The following LPP variants were observed in gnomAD, a reference collection of about 807,000 sequenced individuals.
The protein encoded by LPP is LIM domain containing preferred translocation partner in lipoma, also known as lipoma-preferred partner.
Under a neutral mutation model 60.4 loss-of-function variants are expected in LPP, and 38 were observed. That is an observed-to-expected ratio of 0.63 (90% confidence interval 0.49 to 0.83). The LOEUF (loss-of-function observed/expected upper bound fraction) is 0.83, where lower values mean the gene tolerates loss of function less well. Among genes scored for constraint, LPP ranks in the 40% least tolerant of loss-of-function variants. The pLI is 0.00. For missense variants in LPP, 902 were observed against 783.6 expected (o/e 1.15, Z -1.80); for synonymous variants, 328 against 290.8 (o/e 1.13, Z -1.30).
intron 7 of LPP, among the ~76,000 whole-genome samples, chr3:188,697,050 A>T (rs2149533477): frequency 6.6e-6 from 1 of 152,160 alleles, no homozygotes; most frequent in East Asian, 1.9e-4. Context: ...TTTGATTTTC[A>T]CTGGTCAAGC....
At chr3:188,251,091 TTC>T (rs1263683810) in intron 2 of LPP, among the ~76,000 whole-genome samples, 2 of 123,186 alleles carry the variant, frequency 1.6e-5, no homozygotes, top group Non-Finnish European at 1.6e-5. Flanking sequence ...CTCTCTCTCT[TTC>T]TCTCTCTCTC....
chr3:188,454,979 A>G (rs1319438291), intron 4 of LPP, among the ~76,000 whole-genome samples: 2 of 152,228 alleles, frequency 1.3e-5, no homozygotes, highest in South Asian at 4.1e-4. Flanking sequence ...TCGAAAGCCA[A>G]CTTAGTGTAG....
At chr3:188,646,034 CTA>C (rs545484307) in intron 7 of LPP, among the ~76,000 whole-genome samples, 148 of 152,260 alleles carry the variant, frequency 9.7e-4, no homozygotes, top group African/African-American at 3.5e-3. Context: ...GAAATCATGT[CTA>C]AGATTTCTTC....
intron 7 of LPP, among the ~76,000 whole-genome samples, chr3:188,666,214 A>C (rs994024597): frequency 6.6e-5 from 10 of 152,214 alleles, no homozygotes; most frequent in Admixed American, 2.6e-4. Flanking sequence ...ACAAATTAAC[A>C]AGCAAAATTG....
Position 188,294,240 on chromosome 3 carries a change from G to A in LPP, c.-66-47423G>A, listed in dbSNP as rs548503100. Among the ~76,000 whole-genome samples the A allele has an allele frequency of 9.9e-4, 150 of 152,084 alleles. 1 individual carries two copies. Among genetic ancestry groups the A allele is most frequent in the Non-Finnish European group, 1.8e-3 (124 of 67,996 alleles). Reference sequence around the variant, plus strand: ...TGCTAATAACTGTGAGTTTCTTTTTGGGATGCTGAAAATGCTCTTTATATG... The same window carrying A: ...TGCTAATAACTGTGAGTTTCTTTTTAGGATGCTGAAAATGCTCTTTATATG... On this transcript the variant is annotated intron_variant, in intron 2 of 11. Coordinates refer to ENST00000617246, the MANE Select transcript of LPP (RefSeq NM_001375462.1).
intron 1 of LPP, among the ~76,000 whole-genome samples, chr3:188,200,830 A>G (rs529405322): frequency 1.4e-4 from 21 of 152,192 alleles, no homozygotes; most frequent in Admixed American, 3.9e-4. Flanking sequence ...CAACTTATCC[A>G]TTTAAAATCC....
chr3:188,709,249 T>A (rs1297502994), intron 8 of LPP: 2 of 152,214 alleles, frequency 1.3e-5, no homozygotes, highest in African/African-American at 4.8e-5. Context: ...TTAAAATTGT[T>A]CAGAAAGAGG....
intron 2 of LPP, among the ~76,000 whole-genome samples, chr3:188,230,190 A>AT (rs1203523054): frequency 6.6e-6 from 1 of 151,640 alleles, no homozygotes; most frequent in Non-Finnish European, 1.5e-5. Flanking sequence ...GATTCAAGAG[A>AT]TTCTCTTGCC....
chr3:188,850,025 A>G (rs1339544082), intron 9 of LPP, among the ~76,000 whole-genome samples: 3 of 152,234 alleles, frequency 2.0e-5, no homozygotes, highest in Non-Finnish European at 4.4e-5. Flanking sequence ...AACTTTTTAA[A>G]AGTTATGGAT....
chr3:188,246,238 G>A (rs888470132), intron 2 of LPP, among the ~76,000 whole-genome samples: 2 of 151,778 alleles, frequency 1.3e-5, no homozygotes, highest in Non-Finnish European at 2.9e-5. Context: ...GAGAACATTG[G>A]GATCAGGCTG....
chr3:188,179,340 C>A (rs890540127), intron 1 of LPP: 9 of 458,128 alleles, frequency 2.0e-5, no homozygotes, highest in Non-Finnish European at 3.5e-5. Flanking sequence ...AGCTCTGCGG[C>A]CTCCTCCTAG....
intron 9 of LPP, among the ~76,000 whole-genome samples, chr3:188,817,827 C>G (rs1752879360): frequency 6.6e-6 from 1 of 152,186 alleles, no homozygotes; most frequent in African/African-American, 2.4e-5. Flanking sequence ...AAGGAAATGT[C>G]TGGGCTCACC....
chr3:188,265,007 C>T (rs773194517), intron 2 of LPP, among the ~76,000 whole-genome samples: 1 of 152,164 alleles, frequency 6.6e-6, no homozygotes, highest in African/African-American at 2.4e-5. Context: ...CTTCTGCTCG[C>T]GTCACCCTTC....
chr3:188,519,120 C>T (rs1818198614), intron 5 of LPP, among the ~76,000 whole-genome samples: 1 of 152,040 alleles, frequency 6.6e-6, no homozygotes, highest in African/African-American at 2.4e-5. Flanking sequence ...TCACAGTGCC[C>T]CAAAATATCA....
intron 4 of LPP, among the ~76,000 whole-genome samples, chr3:188,425,951 T>C (rs897449943): frequency 6.6e-6 from 1 of 152,188 alleles, no homozygotes; most frequent in Non-Finnish European, 1.5e-5. Flanking sequence ...CTCTATCTCC[T>C]CCAGTTCTGC....
intron 2 of LPP, among the ~76,000 whole-genome samples, chr3:188,276,694 TTTCTCTCTCTCTCTCTCTCTCTC>T (rs1739907039): frequency 7.1e-4 from 11 of 15,598 alleles, no homozygotes; most frequent in South Asian, 1.6e-3. Flanking sequence ...TCTCTCTCTC[TTTCTCTCTCTCTCTCTCTCTCTC>T]TCTCTCTGTC....
chr3:188,511,841 C>T (rs1223273836), intron 5 of LPP, among the ~76,000 whole-genome samples: 1 of 152,186 alleles, frequency 6.6e-6, no homozygotes, highest in African/African-American at 2.4e-5. Flanking sequence ...TATTTTCCCT[C>T]TTGTTTTCCC....
At chr3:188,799,140 A>G (rs1400857283) in intron 9 of LPP, among the ~76,000 whole-genome samples, 1 of 152,226 alleles carries the variant, frequency 6.6e-6, no homozygotes, top group Non-Finnish European at 1.5e-5. Context: ...CCAATTCTAC[A>G]TCACCTTTAG....
In LPP at chr3:188,204,723, A is replaced by G. The variant is rs116043457; in HGVS notation, c.-189-20682A>G. On this transcript the variant is annotated intron_variant, in intron 1 of 11. Transcript: ENST00000617246. ...CGCTTGGCTGGTTGATGTGGAAGTCAGGAGTGAGGATGCCAAGTTTCACAC... is the reference window on the plus strand; with the variant it reads ...CGCTTGGCTGGTTGATGTGGAAGTCGGGAGTGAGGATGCCAAGTTTCACAC... Among the ~76,000 whole-genome samples, 388 of 152,256 alleles carry G rather than the reference A, an allele frequency of 2.5e-3. 2 individuals are homozygous for G. Among genetic ancestry groups the G allele is most frequent in the Non-Finnish European group, 4.1e-3 (278 of 68,030 alleles).
Sources: allele counts gnomAD v4.1 joint callset (sites outside exome capture counted in the v4.1 genomes callset), GRCh38; gene constraint gnomAD v4.1.1; transcripts MANE v1.5; gene names NCBI Gene and HGNC (gene_info 2026-07-23, HGNC 2026-07-21).